Variants in NRG1 observed in about 807,000 individuals in gnomAD.
The protein encoded by NRG1 is pro-neuregulin-1, membrane-bound isoform.
A neutral mutation model predicts 63.8 loss-of-function variants in NRG1; 18 were observed. That is an observed-to-expected ratio of 0.28 (90% CI 0.19 to 0.42). The LOEUF is 0.42. NRG1 is among the 10% of genes least tolerant of loss of function. NRG1 has a pLI of 1.00. For synonymous variants in NRG1, 302 were observed against 301.3 expected (o/e 1.00, Z -0.02); for missense variants, 762 against 814.7 (o/e 0.94, Z 0.79).
intron 1 of NRG1, among the ~76,000 whole-genome samples, chr8:32,165,140 A>ATTT (rs112228510): frequency 7.0e-6 from 1 of 141,856 alleles, no homozygotes. Context: ...TATTGCCCTT[A>ATTT]TTTTTTTTTT....
chr8:32,005,138 AGAGG>A (rs998411591), intron 1 of NRG1, among the ~76,000 whole-genome samples: 1 of 151,210 alleles, frequency 6.6e-6, no homozygotes, highest in African/African-American at 2.4e-5. Flanking sequence ...AGGATGGAAG[AGAGG>A]AAGGAAGGAG....
At chr8:32,766,456 A>C (rs1831439202) in exon 12 of NRG1, 1 of 152,176 alleles carries the variant, frequency 6.6e-6, no homozygotes, top group Non-Finnish European at 1.5e-5. Context: ...AGTCCAATGA[A>C]GTTCTCTAAA....
intron 1 of NRG1, among the ~76,000 whole-genome samples, chr8:32,583,497 A>G (rs540320496): frequency 6.6e-6 from 1 of 152,344 alleles, no homozygotes; most frequent in African/African-American, 2.4e-5. Context: ...ATTAACAAAG[A>G]ATCTAATTAA....
intron 1 of NRG1, among the ~76,000 whole-genome samples, chr8:31,727,932 A>G (rs1813612238): frequency 6.6e-6 from 1 of 152,190 alleles, no homozygotes; most frequent in African/African-American, 2.4e-5. Flanking sequence ...GCACTAGGAT[A>G]TTGTGATAAC....
At chr8:32,319,084 G>T (rs1801079544) in intron 1 of NRG1, among the ~76,000 whole-genome samples, 1 of 152,116 alleles carries the variant, frequency 6.6e-6, no homozygotes, top group Non-Finnish European at 1.5e-5. Context: ...TGCTTTAAGG[G>T]TTCTTCTTAA....
rs1817865708 is a variant in NRG1, at chr8:32,429,567, A to G, written c.38-166261A>G. On this transcript the variant is annotated intron_variant, in intron 1 of 10. Transcript: ENST00000519301. Reference sequence around the variant, plus strand: ...GACTTGGATTAGAGATACACAGCTAATAATTCAAGAAGAAATAATGCTTTG... The same window carrying G: ...GACTTGGATTAGAGATACACAGCTAGTAATTCAAGAAGAAATAATGCTTTG... 2.0e-5 allele frequency among the ~76,000 whole-genome samples: 3 copies of G among 152,240 alleles called. No individual in the cohort carries two copies. The South Asian group carries it at 6.2e-4, about 31-fold the overall frequency.
At chr8:31,910,666 A>G (rs1832865581) in intron 1 of NRG1, among the ~76,000 whole-genome samples, 1 of 152,206 alleles carries the variant, frequency 6.6e-6, no homozygotes, top group Non-Finnish European at 1.5e-5. Flanking sequence ...TGGGTCAGAG[A>G]TAGATATTTC....
chr8:32,641,397 T>C (rs1852374244), intron 5 of NRG1, among the ~76,000 whole-genome samples: 1 of 152,162 alleles, frequency 6.6e-6, no homozygotes, highest in Non-Finnish European at 1.5e-5. Context: ...TTCCATCTAG[T>C]TCCAAAACCT....
At chr8:31,757,857 A>G (rs1215238891) in intron 1 of NRG1, among the ~76,000 whole-genome samples, 1 of 152,138 alleles carries the variant, frequency 6.6e-6, no homozygotes, top group Non-Finnish European at 1.5e-5. Context: ...ATTAAGATAC[A>G]GATGAATTCT....
At chr8:31,672,869 T>G (rs1807296557) in intron 1 of NRG1, among the ~76,000 whole-genome samples, 2 of 152,092 alleles carry the variant, frequency 1.3e-5, no homozygotes, top group Admixed American at 6.6e-5. Flanking sequence ...TTCATCAATC[T>G]TTGAATAATA....
At chr8:32,060,916 A>G (rs533724761) in intron 1 of NRG1, among the ~76,000 whole-genome samples, 3 of 151,716 alleles carry the variant, frequency 2.0e-5, no homozygotes, top group Admixed American at 6.6e-5. Context: ...GTGTGCTAAG[A>G]TTAGGTTTTA....
chr8:32,605,743 G>C (rs1444982560), intron 3 of NRG1, 60 bp downstream of exon 3: 4 of 1,575,988 alleles, frequency 2.5e-6, no homozygotes, highest in Non-Finnish European at 2.6e-6. Context: ...CAAAACATGT[G>C]GTAAGACTCA....
At chr8:31,713,109 ATTTTTTTTT>A (rs11304829) in intron 1 of NRG1, among the ~76,000 whole-genome samples, 3 of 86,042 alleles carry the variant, frequency 3.5e-5, no homozygotes, top group Non-Finnish European at 7.1e-5. Context: ...ACTCCTTCTA[ATTTTTTTTT>A]TTTTTTTTTT....
At chr8:32,505,858 G>A (rs1326874586) in intron 1 of NRG1, among the ~76,000 whole-genome samples, 1 of 152,160 alleles carries the variant, frequency 6.6e-6, no homozygotes, top group Admixed American at 6.5e-5. Context: ...TGCTGACATA[G>A]CCAGGTGGGA....
intron 1 of NRG1, among the ~76,000 whole-genome samples, chr8:31,988,717 A>T (rs998809573): frequency 6.6e-6 from 1 of 152,148 alleles, no homozygotes; most frequent in Non-Finnish European, 1.5e-5. Flanking sequence ...AGCTGCAGTG[A>T]GGCCAGAGAT....
At chr8:32,222,115 A>G (rs559746830) in intron 1 of NRG1, among the ~76,000 whole-genome samples, 1 of 152,266 alleles carries the variant, frequency 6.6e-6, no homozygotes, top group East Asian at 1.9e-4. Context: ...GTGTAAATGT[A>G]TACATGTTTT....
chr8:32,507,436 C>T (rs1828667856), intron 1 of NRG1, among the ~76,000 whole-genome samples: 1 of 152,176 alleles, frequency 6.6e-6, no homozygotes, highest in African/African-American at 2.4e-5. Context: ...GTTGCCTCTT[C>T]TTGATTACAG....
At chr8:32,545,452 A>G (rs1044791737), upstream of NRG1, among the ~76,000 whole-genome samples, 16 of 151,322 alleles carry the variant, frequency 1.1e-4, no homozygotes, top group African/African-American at 4.9e-5. Flanking sequence ...AAGATATGTC[A>G]TCATTTCTAA....
At chr8:32,368,356 C>A (rs1808361326) in intron 1 of NRG1, among the ~76,000 whole-genome samples, 1 of 151,980 alleles carries the variant, frequency 6.6e-6, no homozygotes, top group African/African-American at 2.4e-5. Context: ...ATTGCTTGAG[C>A]CCCAGAGTTC....
Sources: gnomAD v4.1 joint callset for allele counts (sites outside exome capture counted in the v4.1 genomes callset) on GRCh38, gnomAD v4.1.1 for gene constraint, MANE v1.5 for transcripts, NCBI Gene and HGNC (gene_info 2026-07-23, HGNC 2026-07-21) for gene names.